Variants in CPAMD8 observed in about 807,000 individuals in gnomAD.
CPAMD8 encodes C3 and PZP-like alpha-2-macroglobulin domain-containing protein 8.
A neutral mutation model predicts 224.7 loss-of-function variants in CPAMD8; 146 were observed. The observed-to-expected ratio is 0.65, with a 90% confidence interval of 0.57 to 0.75. The LOEUF is 0.75. Among genes scored for constraint, CPAMD8 ranks in the 30% least tolerant of loss-of-function variants. The pLI is 0.00. For missense variants in CPAMD8, 2,301 were observed against 2,537.5 expected (o/e 0.91, Z 2.00); for synonymous variants, 966 against 1,044.6 (o/e 0.92, Z 1.45).
chr19:17,025,206 T>C (rs1329349980), intron 1 of CPAMD8, among the ~76,000 whole-genome samples: 1 of 151,924 alleles, frequency 6.6e-6, no homozygotes. Context: ...AGGTCAGGAG[T>C]TCCAGAACAG....
intron 11 of CPAMD8, among the ~76,000 whole-genome samples, chr19:16,996,273 G>A (rs1223287406): frequency 6.6e-6 from 1 of 152,144 alleles, no homozygotes; most frequent in Non-Finnish European, 1.5e-5. Context: ...AGGATGTCGA[G>A]GCTGTGGTGA....
chr19:16,923,487 G>A (rs960135994), intron 26 of CPAMD8, among the ~76,000 whole-genome samples: 6 of 152,170 alleles, frequency 3.9e-5, no homozygotes, highest in South Asian at 4.1e-4. Context: ...AGACAGGACC[G>A]GTGACCAAAG....
At chr19:17,021,391 A>C (rs554181315) in intron 2 of CPAMD8, among the ~76,000 whole-genome samples, 1 of 152,216 alleles carries the variant, frequency 6.6e-6, no homozygotes, top group South Asian at 2.1e-4. Flanking sequence ...TTCTCTGGCC[A>C]CACCTCCCTA....
At chr19:16,904,058 T>TG (rs1243607861) in intron 32 of CPAMD8, among the ~76,000 whole-genome samples, 168 bp downstream of exon 32, 1 of 152,114 alleles carries the variant, frequency 6.6e-6, no homozygotes, top group East Asian at 1.9e-4. Context: ...TGGGCTCCCA[T>TG]GGGGGATCCA....
intron 6 of CPAMD8, 28 bp downstream of exon 6, chr19:17,009,275 A>C (rs748662403): frequency 6.2e-7 from 1 of 1,614,002 alleles, no homozygotes; most frequent in South Asian, 1.1e-5. Flanking sequence ...CCCCAAGTCC[A>C]AGCCGAGGAA....
At chr19:16,934,916 T>C (rs1243674414) in intron 23 of CPAMD8, among the ~76,000 whole-genome samples, 1 of 152,090 alleles carries the variant, frequency 6.6e-6, no homozygotes, top group African/African-American at 2.4e-5. Flanking sequence ...TTTCAAGAAC[T>C]CTTTTCATCC....
At chr19:16,990,023 AG>A (rs1191073051) in intron 12 of CPAMD8, among the ~76,000 whole-genome samples, 2 of 152,178 alleles carry the variant, frequency 1.3e-5, no homozygotes, top group Non-Finnish European at 2.9e-5. Context: ...AGGCCGAGGC[AG>A]GTGGATCACC....
chr19:16,931,713 AACACTGGG>A (rs1336397932), intron 23 of CPAMD8, among the ~76,000 whole-genome samples: 1 of 152,200 alleles, frequency 6.6e-6, no homozygotes, highest in Admixed American at 6.5e-5. Flanking sequence ...CACTGCTGCC[AACACTGGG>A]ACCTGAGGAC....
At chr19:16,941,308 A>G (rs1352893870) in intron 22 of CPAMD8, among the ~76,000 whole-genome samples, 3 of 152,236 alleles carry the variant, frequency 2.0e-5, no homozygotes, top group East Asian at 1.9e-4. Flanking sequence ...GTGAACAGAT[A>G]AAGAAAATGT....
chr19:17,006,690 C>G (rs2056501578), intron 7 of CPAMD8, among the ~76,000 whole-genome samples: 1 of 152,244 alleles, frequency 6.6e-6, no homozygotes, highest in South Asian at 2.1e-4. Flanking sequence ...AGTTGACTCC[C>G]TGCCTGGGAG....
At chr19:16,928,802 C>A in intron 24 of CPAMD8, 140 bp downstream of exon 24, 2 of 607,726 alleles carry the variant, frequency 3.3e-6, no homozygotes, top group Non-Finnish European at 5.5e-6. Context: ...CGACTCTAGA[C>A]TAAGAACAAC....
chr19:16,952,340 A>G (rs1599770395), intron 19 of CPAMD8, 140 bp from the exon 20 acceptor site: 1 of 633,932 alleles, frequency 1.6e-6, no homozygotes, highest in East Asian at 2.8e-5. Context: ...AAGGCATCAC[A>G]AAAGCGGCAA....
chr19:16,901,690 C>A (rs980871204), intron 35 of CPAMD8, among the ~76,000 whole-genome samples: 4 of 152,188 alleles, frequency 2.6e-5, no homozygotes, highest in East Asian at 1.9e-4. Context: ...GGGAAATCAA[C>A]CCCCTAGCTC....
At chr19:17,020,605 GCCTAAGTACTTGATTTACTTCA>G (rs1200152026) in intron 2 of CPAMD8, among the ~76,000 whole-genome samples, 3 of 152,168 alleles carry the variant, frequency 2.0e-5, no homozygotes, top group African/African-American at 7.2e-5. Flanking sequence ...AAGCTGGCCT[GCCTAAGTACTTGATTTACTTCA>G]CCCCTGGCTC....
rs1337946954 is a variant in CPAMD8, at chr19:16,901,063, G to A, written c.4773+147C>T. 1.2e-5 allele frequency: 7 copies of A among 587,488 alleles called. No homozygotes were observed. The South Asian group carries it at 1.3e-4, about 11-fold the overall frequency. The allele number at this position is 587,488 out of a possible 1,614,324, so 36.4% of individuals were successfully genotyped here. A position where few individuals can be genotyped will look rare whatever the true frequency, so the allele number is the denominator to read the frequency against. ...GGGTAAAAGGGGAGGGGGAGGGGAA[G>A]GGGGAGGGGGAGAGGGAGAGGGAAG... On this transcript the variant is annotated intron_variant, in intron 36 of 41. Coordinates refer to ENST00000443236, the MANE Select transcript of CPAMD8 (RefSeq NM_015692.5).
intron 13 of CPAMD8, among the ~76,000 whole-genome samples, chr19:16,984,313 C>CAAA (rs34428169): frequency 8.2e-5 from 7 of 85,210 alleles, no homozygotes; most frequent in Admixed American, 1.3e-4. Flanking sequence ...GGTCCTATCT[C>CAAA]AAAAAAAAAA....
rs1184442582 is a variant in CPAMD8, at chr19:16,904,527, T to C, written c.4053A>G (p.Ser1351=). The C allele has an allele frequency of 6.2e-7, 1 of 1,613,864 alleles. No homozygotes were observed. The highest frequency in any genetic ancestry group is 8.5e-7 in the Non-Finnish European group (1 of 1,179,858). ...MRDGVTHWSL[S]NSWDVDKGTF... is the part of the protein sequence containing the mutation. Reference sequence around the variant, plus strand: ...TGCCCTTGTCCACGTCCCAGGAATTTGACAGGCTCCAGTGGGTGACCCCAT... The same window carrying C: ...TGCCCTTGTCCACGTCCCAGGAATTCGACAGGCTCCAGTGGGTGACCCCAT... The change falls in exon 31 of 42, where the codon TCA becomes TCG. Residue 1351 remains serine, a synonymous_variant. Coordinates refer to ENST00000443236, the MANE Select transcript of CPAMD8 (RefSeq NM_015692.5).
intron 18 of CPAMD8, among the ~76,000 whole-genome samples, chr19:16,959,930 A>C (rs17196155): frequency 6.6e-6 from 1 of 152,092 alleles, no homozygotes; most frequent in Non-Finnish European, 1.5e-5. Flanking sequence ...TTAAGAATAG[A>C]AGAAGCAAGG....
chr19:16,970,483 G>T (rs2055020761), intron 18 of CPAMD8, among the ~76,000 whole-genome samples: 1 of 152,020 alleles, frequency 6.6e-6, no homozygotes, highest in South Asian at 2.1e-4. Flanking sequence ...TACTCAGGAG[G>T]CTGAGGCAGG....
Sources: allele counts gnomAD v4.1 joint callset (sites outside exome capture counted in the v4.1 genomes callset), GRCh38; gene constraint gnomAD v4.1.1; transcripts MANE v1.5; gene names NCBI Gene and HGNC (gene_info 2026-07-23, HGNC 2026-07-21).